The following AFF3 variants were observed in gnomAD, a reference collection of about 807,000 sequenced individuals.
AFF3 encodes AF4/FMR2 family member 3.
AFF3 carries 32 observed loss-of-function variants against 129.7 expected under a neutral mutation model. The ratio of observed to expected loss-of-function variants is 0.25; its 90% CI spans 0.19 to 0.33. The LOEUF is 0.33. Ranked by LOEUF, AFF3 falls within the 10% of genes least tolerant of loss-of-function variation. AFF3 has a pLI of 1.00. For synonymous variants in AFF3, 644 were observed against 635.4 expected, an observed-to-expected ratio of 1.01 and a Z score of -0.20; for missense variants, 1,373 against 1,592.0, an observed-to-expected ratio of 0.86 and a Z score of 2.34.
chr2:99,811,695 G>A (rs1220920883), intron 8 of AFF3, among the ~76,000 whole-genome samples: 1 of 152,198 alleles, frequency 6.6e-6, no homozygotes, highest in Non-Finnish European at 1.5e-5. Flanking sequence ...CCTGATCCAT[G>A]CTTGCAAAGC....
chr2:99,759,131 A>C lies in AFF3; in HGVS notation c.922-6830T>G, dbSNP rs556367373. Among the ~76,000 whole-genome samples the C allele has an allele frequency of 3.9e-5, 6 of 152,310 alleles. No homozygotes were observed. In the South Asian group the frequency reaches 1.2e-3, roughly 32 times the overall value. On this transcript the variant is annotated intron_variant, in intron 8 of 24. Transcript: ENST00000672756. ...TTTTGCAGATTTCCCTTCTATGCCA[A>C]TATAATAGGATAGTTCTCTGCTCAT...
chr2:99,811,390 A>G (rs1686775448), intron 8 of AFF3, among the ~76,000 whole-genome samples: 1 of 152,208 alleles, frequency 6.6e-6, no homozygotes, highest in Non-Finnish European at 1.5e-5. Context: ...TGAATCACAG[A>G]TGAGTAAACT....
At chr2:99,790,571 GC>G (rs1685124007) in intron 8 of AFF3, among the ~76,000 whole-genome samples, 1 of 152,152 alleles carries the variant, frequency 6.6e-6, no homozygotes, top group Non-Finnish European at 1.5e-5. Flanking sequence ...GAATTTTATA[GC>G]AGGTTTCAAA....
intron 5 of AFF3, 60 bp downstream of exon 5, chr2:100,008,752 C>A: frequency 6.4e-7 from 1 of 1,572,360 alleles, no homozygotes; most frequent in Non-Finnish European, 8.6e-7. Flanking sequence ...TCAAGGCCAC[C>A]GTCACAGGGA....
At chr2:99,946,567 G>T (rs1012147253) in intron 7 of AFF3, among the ~76,000 whole-genome samples, 5 of 146,356 alleles carry the variant, frequency 3.4e-5, no homozygotes, top group African/African-American at 1.3e-4. Context: ...ATACCCCACT[G>T]TCTGCAGAAT....
intron 4 of AFF3, among the ~76,000 whole-genome samples, chr2:100,072,672 A>G (rs1688288661): frequency 6.6e-6 from 1 of 152,178 alleles, no homozygotes; most frequent in South Asian, 2.1e-4. Flanking sequence ...CTGCAGTCAC[A>G]CCAAGAGCTG....
At chr2:99,906,311 C>T (rs577097513) in intron 7 of AFF3, among the ~76,000 whole-genome samples, 3 of 152,300 alleles carry the variant, frequency 2.0e-5, no homozygotes, top group East Asian at 3.9e-4. Flanking sequence ...AGGAAACACG[C>T]TTGGCCACAG....
chr2:99,889,668 T>C (rs1340781608), intron 7 of AFF3, among the ~76,000 whole-genome samples: 1 of 152,288 alleles, frequency 6.6e-6, no homozygotes, highest in East Asian at 1.9e-4. Context: ...AAACTTAAGC[T>C]GTTTTTTTGA....
intron 7 of AFF3, among the ~76,000 whole-genome samples, chr2:99,841,076 G>A (rs987918401): frequency 2.6e-5 from 4 of 152,216 alleles, no homozygotes; most frequent in Non-Finnish European, 5.9e-5. Flanking sequence ...GAATCACCCA[G>A]ATATAACAGC....
intron 4 of AFF3, among the ~76,000 whole-genome samples, chr2:100,079,514 C>T (rs922569969): frequency 6.6e-6 from 1 of 152,190 alleles, no homozygotes; most frequent in Non-Finnish European, 1.5e-5. Flanking sequence ...CTTATTTAAC[C>T]ACAGGTGCAC....
At chr2:99,854,546 C>T (rs925224302) in intron 7 of AFF3, among the ~76,000 whole-genome samples, 2 of 152,160 alleles carry the variant, frequency 1.3e-5, no homozygotes, top group Admixed American at 6.5e-5. Flanking sequence ...AAACTTATTA[C>T]GGAAAAATCC....
At chr2:99,851,700 A>T (rs1690156681) in intron 7 of AFF3, among the ~76,000 whole-genome samples, 1 of 152,194 alleles carries the variant, frequency 6.6e-6, no homozygotes, top group Non-Finnish European at 1.5e-5. Flanking sequence ...ATCTATAAAG[A>T]CCCACTCAGT....
At chr2:100,113,002 T>C (rs1691578755) in intron 2 of AFF3, among the ~76,000 whole-genome samples, 2 of 152,204 alleles carry the variant, frequency 1.3e-5, no homozygotes, top group African/African-American at 4.8e-5. Context: ...TATTACAACA[T>C]AAAGGGAAAT....
intron 8 of AFF3, among the ~76,000 whole-genome samples, chr2:99,829,431 T>C (rs1576120991): frequency 6.6e-6 from 1 of 152,042 alleles, no homozygotes; most frequent in Admixed American, 6.6e-5. Flanking sequence ...AACTGAAACG[T>C]ATTTACAAGA....
chr2:99,847,216 G>C (rs1689794149), intron 7 of AFF3, among the ~76,000 whole-genome samples: 1 of 151,780 alleles, frequency 6.6e-6, no homozygotes, highest in African/African-American at 2.4e-5. Flanking sequence ...TCGCTCGTTG[G>C]CCAGGCTGGA....
intron 7 of AFF3, among the ~76,000 whole-genome samples, chr2:99,847,658 T>TG: frequency 6.6e-6 from 1 of 152,128 alleles, no homozygotes; most frequent in South Asian, 2.1e-4. Context: ...TTGGGGTATC[T>TG]GGGGCTGAAC....
intron 1 of AFF3, among the ~76,000 whole-genome samples, chr2:100,137,191 T>C (rs995030296): frequency 2.8e-4 from 42 of 152,212 alleles, no homozygotes; most frequent in Non-Finnish European, 2.5e-4. Context: ...GCTAGTAAAA[T>C]CGTTCCTAGT....
At chr2:99,784,429 A>G (rs1033360396) in intron 8 of AFF3, among the ~76,000 whole-genome samples, 4 of 152,242 alleles carry the variant, frequency 2.6e-5, no homozygotes, top group African/African-American at 7.2e-5. Flanking sequence ...AATGTGCTGC[A>G]CAGCACAGAA....
intron 4 of AFF3, among the ~76,000 whole-genome samples, chr2:100,075,718 G>A (rs1688533015): frequency 6.6e-6 from 1 of 152,126 alleles, no homozygotes. Context: ...TTTTCTGATA[G>A]GTTCTGGCCA....
Sources: allele counts gnomAD v4.1 joint callset (sites outside exome capture counted in the v4.1 genomes callset), GRCh38; gene constraint gnomAD v4.1.1; transcripts MANE v1.5; gene names NCBI Gene and HGNC (gene_info 2026-07-23, HGNC 2026-07-21).